Variants in DIAPH2 observed in about 807,000 individuals in gnomAD.
DIAPH2 encodes the protein protein diaphanous homolog 2.
DIAPH2 carries 35 observed loss-of-function variants against 92.7 expected under a neutral mutation model. The observed-to-expected ratio is 0.38, with a 90% CI of 0.29 to 0.50. The LOEUF (loss-of-function observed/expected upper bound fraction) is 0.50. DIAPH2 is among the 20% of genes least tolerant of loss of function. The pLI is 0.94. For missense variants in DIAPH2, 701 were observed against 819.5 expected, an observed-to-expected ratio of 0.86 and a Z score of 1.77; for synonymous variants, 301 against 280.4, an observed-to-expected ratio of 1.07 and a Z score of -0.73.
chrX:97,242,227 C>A (rs1185819047), intron 22 of DIAPH2, among the ~76,000 whole-genome samples: 1 of 111,422 alleles, frequency 9.0e-6, no homozygotes, highest in Non-Finnish European at 1.9e-5. Flanking sequence ...TGCCATCTCC[C>A]ACCTCCAAAC....
chrX:97,147,027 A>G (rs970159152), intron 22 of DIAPH2, among the ~76,000 whole-genome samples: 1 of 108,918 alleles, frequency 9.2e-6, no homozygotes, highest in Non-Finnish European at 2.0e-5. Flanking sequence ...TTTGTTATTC[A>G]GTTAGTTAGT....
chrX:97,291,129 G>C (rs2068586883), intron 23 of DIAPH2, among the ~76,000 whole-genome samples: 1 of 109,701 alleles, frequency 9.1e-6, no homozygotes, highest in South Asian at 4.0e-4. Flanking sequence ...GCTCATGCCT[G>C]TAATCCCAGC....
intron 5 of DIAPH2, among the ~76,000 whole-genome samples, chrX:96,903,099 A>G (rs764634053): frequency 5.0e-5 from 5 of 100,818 alleles, no homozygotes; most frequent in Non-Finnish European, 1.0e-4. Flanking sequence ...TCAAATAGCA[A>G]TTACCCTTCA....
intron 22 of DIAPH2, among the ~76,000 whole-genome samples, chrX:97,192,018 G>A (rs2067657221): frequency 9.0e-6 from 1 of 111,612 alleles, no homozygotes; most frequent in Non-Finnish European, 1.9e-5. Flanking sequence ...TTTGCTGAGT[G>A]CAGTGGCTCA....
intron 22 of DIAPH2, among the ~76,000 whole-genome samples, chrX:97,214,028 G>T (rs753588988): frequency 9.0e-6 from 1 of 111,639 alleles, no homozygotes; most frequent in Non-Finnish European, 1.9e-5. Flanking sequence ...AAAAAAGAAA[G>T]TGTAAGGGCG....
At chrX:97,194,643 T>G (rs1415136037) in intron 22 of DIAPH2, among the ~76,000 whole-genome samples, 1 of 111,542 alleles carries the variant, frequency 9.0e-6, no homozygotes, top group Non-Finnish European at 1.9e-5. Context: ...CCAGATAACC[T>G]ACCTTAAACA....
intron 26 of DIAPH2, among the ~76,000 whole-genome samples, chrX:97,516,925 A>G (rs1169036771): frequency 1.8e-5 from 2 of 112,307 alleles, no homozygotes; most frequent in Non-Finnish European, 3.8e-5. Flanking sequence ...ATAATGCAGA[A>G]TTAGAAGCAA....
intron 22 of DIAPH2, among the ~76,000 whole-genome samples, chrX:97,241,183 T>C (rs2068090025): frequency 8.9e-6 from 1 of 112,508 alleles, no homozygotes; most frequent in South Asian, 3.7e-4. Context: ...GTGCATACCT[T>C]ATAGAATTTT....
At chrX:97,394,023 G>A (rs1304529113) in intron 25 of DIAPH2, among the ~76,000 whole-genome samples, 2 of 111,592 alleles carry the variant, frequency 1.8e-5, no homozygotes, top group Non-Finnish European at 3.8e-5. Flanking sequence ...TAGCAATTTT[G>A]TTTTTATCTG....
rs5903071 is a variant in DIAPH2 at position 97,231,241 on chromosome X, CTT to C, written c.2720-16458_2720-16457del. 8.8e-3 allele frequency among the ~76,000 whole-genome samples: 737 copies of C among 83,349 alleles called. 7 individuals carry two copies. Among genetic ancestry groups the C allele is most frequent in the African/African-American group, 0.03 (662 of 22,273 alleles). The allele number at this position is 83,349 out of a possible 115,157, so 72.4% of individuals were successfully genotyped here. A position where few individuals can be genotyped will look rare whatever the true frequency, so the allele number is the denominator to read the frequency against. On this transcript the variant is annotated intron_variant, in intron 22 of 26. Transcript: ENST00000324765. ...TCTGAGGCATATTAATTCTTTCAGG[CTT>C]TTTTTTTTTTTTTTTGAGTAAATTA...
intron 16 of DIAPH2, among the ~76,000 whole-genome samples, chrX:96,960,726 G>A (rs945400602): frequency 9.0e-6 from 1 of 111,695 alleles, no homozygotes; most frequent in African/African-American, 3.3e-5. Flanking sequence ...TATGATGTTA[G>A]CAATGGCTTT....
chrX:96,787,707 T>TTTTTTTTTA (rs368119520), intron 4 of DIAPH2, among the ~76,000 whole-genome samples: 1 of 94,181 alleles, frequency 1.1e-5, no homozygotes, highest in Non-Finnish European at 2.1e-5. Flanking sequence ...TTTTTTTTTT[T>TTTTTTTTTA]TGAGACAGAG....
chrX:97,172,728 G>A (rs751432319), intron 22 of DIAPH2, among the ~76,000 whole-genome samples: 37 of 111,658 alleles, frequency 3.3e-4, no homozygotes, highest in Admixed American at 3.1e-3. Flanking sequence ...TCTTTTTATT[G>A]CATATAAATA....
At chrX:97,154,667 G>A (rs1384005616) in intron 22 of DIAPH2, among the ~76,000 whole-genome samples, 2 of 111,302 alleles carry the variant, frequency 1.8e-5, no homozygotes, top group Admixed American at 1.9e-4. Flanking sequence ...CTTTTTGAGG[G>A]GTGTGGTCCT....
rs560465838 is a variant in DIAPH2, at chrX:97,169,285, G to A, written c.2719+27491G>A. Reference sequence around the variant, plus strand: ...AAGAGGAAGCGTATTAGGAGATCTGGTTGATAACAGAAACCCAGATCACCT... The same window carrying A: ...AAGAGGAAGCGTATTAGGAGATCTGATTGATAACAGAAACCCAGATCACCT... On this transcript the variant is annotated intron_variant, in intron 22 of 26. Transcript: ENST00000324765. Among the ~76,000 whole-genome samples, 4 of 111,558 alleles carry A rather than the reference G, an allele frequency of 3.6e-5. No individual in the cohort carries two copies. In the South Asian group the frequency reaches 1.5e-3, roughly 42 times the overall value.
At chrX:97,197,020 A>C (rs776626864) in intron 22 of DIAPH2, among the ~76,000 whole-genome samples, 18 of 111,245 alleles carry the variant, frequency 1.6e-4, no homozygotes, top group Non-Finnish European at 3.4e-4. Context: ...TCCTGACCTC[A>C]AGTGATCCAC....
chrX:96,720,278 G>C (rs1195080327), intron 1 of DIAPH2, among the ~76,000 whole-genome samples: 3 of 111,063 alleles, frequency 2.7e-5, no homozygotes, highest in African/African-American at 9.8e-5. Flanking sequence ...CTCCAGCCTT[G>C]GTCAAAATTC....
chrX:96,986,809 T>G (rs943009369), intron 17 of DIAPH2, among the ~76,000 whole-genome samples: 1 of 111,065 alleles, frequency 9.0e-6, no homozygotes, highest in Non-Finnish European at 1.9e-5. Flanking sequence ...AAATACACAA[T>G]ACTTTGATGT....
chrX:97,597,642 C>G (rs1381880365), intron 26 of DIAPH2, among the ~76,000 whole-genome samples: 1 of 111,872 alleles, frequency 8.9e-6, no homozygotes, highest in Non-Finnish European at 1.9e-5. Flanking sequence ...GCTAGCAATG[C>G]GGTGGGAACC....
Sources: allele counts gnomAD v4.1 joint callset (sites outside exome capture counted in the v4.1 genomes callset), GRCh38; gene constraint gnomAD v4.1.1; transcripts MANE v1.5; gene names NCBI Gene and HGNC (gene_info 2026-07-23, HGNC 2026-07-21).